The following PECR variants were observed in gnomAD, a reference collection of about 807,000 sequenced individuals.
The protein encoded by PECR is peroxisomal trans-2-enoyl-CoA reductase.
PECR carries 30 observed loss-of-function variants against 35.3 expected under a neutral mutation model. That is an observed-to-expected ratio of 0.85 (90% CI 0.64 to 1.15). The LOEUF (loss-of-function observed/expected upper bound fraction) is 1.15, where lower values mean the gene tolerates loss of function less well. Among genes scored for constraint, PECR ranks in the 50% most tolerant of loss-of-function variants. PECR has a pLI of 0.00. For missense variants in PECR, 392 were observed against 370.8 expected, an observed-to-expected ratio of 1.06 and a Z score of -0.47; for synonymous variants, 148 against 138.9, an observed-to-expected ratio of 1.07 and a Z score of -0.46.
chr2:216,081,746 G>A lies in PECR; in HGVS notation c.-5C>T, dbSNP rs1695859475. On this transcript the variant is annotated 5_prime_UTR_variant, in exon 1 of 8. Coordinates refer to ENST00000265322, the MANE Select transcript of PECR (RefSeq NM_018441.6). ...GCCCTTAGCCCAGGAGGCCATCCCT[G>A]CAGCGGGGTGCCAGAGCAGCTGAGC... 1.9e-6 allele frequency: 3 copies of A among 1,612,660 alleles called. No individual in the cohort carries two copies. In the African/African-American group the frequency reaches 4.0e-5, roughly 21 times the overall value.
Position 216,047,578 on chromosome 2 carries a change from T to C in PECR, c.714+1685A>G, listed in dbSNP as rs1218754978. The stretch of plus-strand genomic sequence containing the variant: ...CCCACATATGGTTCCAATTCAAGAA[T>C]CTGTTCTGTTCTACTATTTTTAATA... On this transcript the variant is annotated intron_variant, in intron 6 of 7. Coordinates refer to ENST00000265322, the MANE Select transcript of PECR (RefSeq NM_018441.6). Among the ~76,000 whole-genome samples, 3 of 152,344 alleles carry C rather than the reference T, an allele frequency of 2.0e-5. No individual in the cohort carries two copies. The East Asian group carries it at 5.8e-4, about 29-fold the overall frequency.
rs191857088 is a variant in PECR at position 216,048,452 on chromosome 2, G to A, written c.714+811C>T. On this transcript the variant is annotated intron_variant, in intron 6 of 7. Coordinates refer to ENST00000265322, the MANE Select transcript of PECR (RefSeq NM_018441.6). ...AAGCTAGGTGTGGCGGCTCACACAT[G>A]TAATCCCAGCACTTTAGGAGGCTGA... Among the ~76,000 whole-genome samples, 406 of 151,342 alleles carry A rather than the reference G, an allele frequency of 2.7e-3. 1 individual carries two copies. Among genetic ancestry groups the A allele is most frequent in the Middle Eastern group, 0.014 (4 of 294 alleles).
At chr2:216,065,790 G>C (rs1017876558) in intron 2 of PECR, among the ~76,000 whole-genome samples, 2 of 152,160 alleles carry the variant, frequency 1.3e-5, no homozygotes, top group African/African-American at 4.8e-5. Context: ...TACCAACCCA[G>C]AATAAACAGT....
intron 6 of PECR, among the ~76,000 whole-genome samples, chr2:216,047,623 G>A (rs576877838): frequency 6.6e-6 from 1 of 152,158 alleles, no homozygotes; most frequent in Non-Finnish European, 1.5e-5. Context: ...ACCAGCACCA[G>A]ATGCTGTAAA....
chr2:216,056,166 T>G (rs553936680), intron 4 of PECR, among the ~76,000 whole-genome samples: 97 of 152,244 alleles, frequency 6.4e-4, no homozygotes, highest in African/African-American at 2.3e-3. Flanking sequence ...TATTTCCAGA[T>G]GTATCTTGCA....
At chr2:216,056,843 G>T (rs1167372460) in intron 4 of PECR, among the ~76,000 whole-genome samples, 3 of 151,896 alleles carry the variant, frequency 2.0e-5, no homozygotes, top group Non-Finnish European at 4.4e-5. Context: ...TGTTTACTAG[G>T]TCAAGATGTA....
downstream of PECR, among the ~76,000 whole-genome samples, chr2:216,037,767 G>A (rs999664687): frequency 2.0e-5 from 3 of 152,044 alleles, no homozygotes; most frequent in African/African-American, 7.2e-5. Context: ...CCCAGAGCTT[G>A]GTAACTCACA....
chr2:216,047,798 G>C (rs1220232994), intron 6 of PECR, among the ~76,000 whole-genome samples: 1 of 152,004 alleles, frequency 6.6e-6, no homozygotes, highest in Non-Finnish European at 1.5e-5. Context: ...ATTCCCAAAA[G>C]ATATTAAATT....
In PECR at chr2:216,030,946, T is replaced by A. The variant is rs906372842; in HGVS notation, c.*440+8245A>T. On this transcript the variant is annotated intron_variant and NMD_transcript_variant, in intron 7 of 7. Coordinates refer to the PECR transcript ENST00000442122. ...GGCCCATTCTCTCTCTCTCTCTCTC[T>A]CTCTCTCTCTCACACACACACACAC... 4.6e-3 allele frequency among the ~76,000 whole-genome samples: 408 copies of A among 89,280 alleles called. 1 individual carries two copies. Among genetic ancestry groups the A allele is most frequent in the South Asian group, 8.8e-3 (31 of 3,506 alleles). 58.6% of individuals were successfully genotyped at this position (89,280 alleles called of 152,430 possible). A position where few individuals can be genotyped will look rare whatever the true frequency, so the allele number is the denominator to read the frequency against.
chr2:216,053,399 G>A (rs559041558), intron 4 of PECR, among the ~76,000 whole-genome samples: 13 of 151,786 alleles, frequency 8.6e-5, no homozygotes, highest in South Asian at 4.2e-4. Flanking sequence ...ACCCGCCACC[G>A]TGCCCAGCTA....
intron 7 of PECR, among the ~76,000 whole-genome samples, chr2:216,031,475 G>GAGAAAGAA (rs71047962): frequency 1.5e-5 from 2 of 132,816 alleles, no homozygotes; most frequent in African/African-American, 6.0e-5. Flanking sequence ...AAGAAAGAAA[G>GAGAAAGAA]AGAAAGAAAG....
intron 1 of PECR, among the ~76,000 whole-genome samples, chr2:216,070,444 C>A (rs1287900775): frequency 6.6e-6 from 1 of 152,206 alleles, no homozygotes; most frequent in Non-Finnish European, 1.5e-5. Context: ...TGACCAACAT[C>A]TCCCCAGTGA....
chr2:216,064,509 T>C (rs1695423303), intron 3 of PECR, among the ~76,000 whole-genome samples: 1 of 152,156 alleles, frequency 6.6e-6, no homozygotes, highest in African/African-American at 2.4e-5. Context: ...AGTGGAGCAA[T>C]AAGAAGGATC....
chr2:216,067,335 C>G (rs1196530618), intron 1 of PECR, among the ~76,000 whole-genome samples: 1 of 152,140 alleles, frequency 6.6e-6, no homozygotes, highest in Non-Finnish European at 1.5e-5. Flanking sequence ...AGATCAAACC[C>G]TGGCACTCAC....
intron 3 of PECR, among the ~76,000 whole-genome samples, chr2:216,061,311 C>CAAAAAAAA (rs56791924): frequency 8.9e-5 from 4 of 44,954 alleles, no homozygotes; most frequent in African/African-American, 9.3e-5. Flanking sequence ...AACCCTGTCT[C>CAAAAAAAA]AAAAAAAAAA....
intron 2 of PECR, 48 bp from the exon 3 acceptor site, chr2:216,065,525 A>C (rs572230399): frequency 1.8e-6 from 2 of 1,136,514 alleles, no homozygotes; most frequent in Non-Finnish European, 2.7e-6. Context: ...TTAATAGCCT[A>C]ACTTGCTACC....
intron 1 of PECR, among the ~76,000 whole-genome samples, chr2:216,074,521 GAAGGAAGGAAGGAAGGAAGA>G (rs1486901466): frequency 3.0e-4 from 40 of 131,610 alleles, no homozygotes; most frequent in African/African-American, 1.3e-3. Flanking sequence ...AGGAAGGAAG[GAAGGAAGGAAGGAAGGAAGA>G]AAGGAAGGAA....
At chr2:216,079,505 T>C (rs1695784919) in intron 1 of PECR, among the ~76,000 whole-genome samples, 2 of 151,348 alleles carry the variant, frequency 1.3e-5, no homozygotes, top group East Asian at 2.0e-4. Context: ...GTAGCTGGGA[T>C]TACAGGCACA....
chr2:216,039,353 G>C lies in PECR; in HGVS notation c.834C>G (p.Asp278Glu), dbSNP rs1327451008. ...GGTCCCCTGCTCCCTTGGGCCAGTT[G>C]TCATGATCTGTTAAAGAAGTGGAAA... is the stretch of plus-strand genomic sequence containing the variant. ...YTHSYEVPDH[D>E]NWPKGAGDLS... Residue 278 changes from aspartate to glutamate, a missense_variant, in exon 8 of 8, where the codon GAC becomes GAG. Coordinates refer to ENST00000265322, the MANE Select transcript of PECR (RefSeq NM_018441.6). 6.3e-7 allele frequency: 1 copy of C among 1,593,492 alleles called. No homozygotes were observed. Among genetic ancestry groups the C allele is most frequent in the Middle Eastern group, 1.7e-4 (1 of 6,030 alleles).
Sources: gnomAD v4.1 joint callset for allele counts (sites outside exome capture counted in the v4.1 genomes callset) on GRCh38, gnomAD v4.1.1 for gene constraint, MANE v1.5 for transcripts, NCBI Gene and HGNC (gene_info 2026-07-23, HGNC 2026-07-21) for gene names.